The following GRIA2 variants were observed in gnomAD, a reference collection of about 807,000 sequenced individuals.
The protein encoded by GRIA2 is glutamate receptor 2.
GRIA2 carries 14 observed loss-of-function variants against 97.3 expected under a neutral mutation model. That is an observed-to-expected ratio of 0.14 (90% CI 0.10 to 0.23). The LOEUF (loss-of-function observed/expected upper bound fraction) is 0.23, where lower values mean the gene tolerates loss of function less well. Among genes scored for constraint, GRIA2 ranks in the 10% least tolerant of loss-of-function variants. GRIA2 has a pLI of 1.00. For missense variants in GRIA2, 558 were observed against 1,069.8 expected, an observed-to-expected ratio of 0.52 and a Z score of 6.67; for synonymous variants, 412 against 387.8, an observed-to-expected ratio of 1.06 and a Z score of -0.73.
intron 7 of GRIA2, 87 bp from the exon 8 acceptor site, chr4:157,333,162 A>T: frequency 2.1e-6 from 2 of 932,852 alleles, no homozygotes; most frequent in Non-Finnish European, 3.3e-6. Context: ...AGTTTTCTTG[A>T]CTTCATCTGG....
At chr4:157,354,987 G>A (rs760724135) in intron 12 of GRIA2, among the ~76,000 whole-genome samples, 2 of 152,108 alleles carry the variant, frequency 1.3e-5, no homozygotes, top group Non-Finnish European at 2.9e-5. Flanking sequence ...GTGGCTCCAG[G>A]GAAGACCCTA....
intron 2 of GRIA2, among the ~76,000 whole-genome samples, chr4:157,244,606 AC>A (rs1237820305): frequency 6.6e-6 from 1 of 152,040 alleles, no homozygotes; most frequent in Non-Finnish European, 1.5e-5. Flanking sequence ...TTTTATTCTT[AC>A]AGGGATGTAA....
At chr4:157,357,719 T>C (rs901849374) in intron 12 of GRIA2, among the ~76,000 whole-genome samples, 3 of 152,068 alleles carry the variant, frequency 2.0e-5, no homozygotes, top group Non-Finnish European at 2.9e-5. Flanking sequence ...AGAACTAATA[T>C]ATCTTCTAAA....
intron 2 of GRIA2, among the ~76,000 whole-genome samples, chr4:157,286,034 A>G (rs1021117533): frequency 6.6e-6 from 1 of 151,550 alleles, no homozygotes; most frequent in Non-Finnish European, 1.5e-5. Flanking sequence ...TCTGAAATTA[A>G]AACAAGAATA....
In GRIA2 at chr4:157,350,778, T is replaced by G. The variant is rs1378668628; in HGVS notation, c.2044-9118T>G. Among the ~76,000 whole-genome samples the G allele has an allele frequency of 2.0e-5, 3 of 152,122 alleles. No individual in the cohort carries two copies. In the South Asian group the frequency reaches 6.2e-4, roughly 31 times the overall value. Reference sequence around the variant, plus strand: ...TAGCTTTTTGGTAACTGCATGGAATTAATTGCTTGCCTTAATTTGAAGTTT... The same window carrying G: ...TAGCTTTTTGGTAACTGCATGGAATGAATTGCTTGCCTTAATTTGAAGTTT... On this transcript the variant is annotated intron_variant, in intron 12 of 15. Coordinates refer to ENST00000264426, the MANE Select transcript of GRIA2 (RefSeq NM_001083619.3).
chr4:157,274,732 T>G (rs78233404), intron 2 of GRIA2, among the ~76,000 whole-genome samples: 151,057 of 151,456 alleles, frequency 1, 75,330 homozygotes, highest in Middle Eastern at 1. Flanking sequence ...ATTCCACGGT[T>G]TATATGTGCC....
Position 157,361,656 on chromosome 4 carries a change from A to G in GRIA2, c.2406+532A>G. ...AGCCAAGGACTCTGGAAGTAAGGTC[A>G]GTTGCTGCAGGTTTTATGTGAAAAA... On this transcript the variant is annotated intron_variant, in intron 14 of 15. Coordinates refer to ENST00000264426, the MANE Select transcript of GRIA2 (RefSeq NM_001083619.3). The surrounding 1 kb of genome is among the most constrained non-coding windows in gnomAD (Gnocchi z 5.2). 1 of 1,591,092 alleles carries G rather than the reference A, an allele frequency of 6.3e-7. No individual in the cohort carries two copies. Among genetic ancestry groups the G allele is most frequent in the Non-Finnish European group, 8.6e-7 (1 of 1,159,562 alleles).
chr4:157,332,789 T>C, intron 6 of GRIA2, 30 bp from the exon 7 acceptor site: 1 of 1,574,724 alleles, frequency 6.4e-7, no homozygotes, highest in Non-Finnish European at 8.7e-7. Flanking sequence ...TTTTCTCCCG[T>C]TCTTATGAAA....
rs149869256 is a variant in GRIA2 at position 157,233,694 on chromosome 4, C to T, written c.229+11887C>T. On this transcript the variant is annotated intron_variant, in intron 2 of 15. Coordinates refer to ENST00000264426, the MANE Select transcript of GRIA2 (RefSeq NM_001083619.3). ...ATTTATTTCCTCCCTTTATATCAGC[C>T]CTTTACTGATATAAAACCTAAACCC... 2.6e-4 allele frequency among the ~76,000 whole-genome samples: 39 copies of T among 152,064 alleles called. No individual in the cohort carries two copies. In the East Asian group the frequency reaches 7.1e-3, roughly 28 times the overall value.
chr4:157,311,198 A>T lies in GRIA2; in HGVS notation c.470-1481A>T, dbSNP rs193164560. ...TGCAGGAAAATGCTTGTTTTATTTC[A>T]TTATTTACCAGTCTTCAAATTAATT... is the stretch of plus-strand genomic sequence containing the variant. On this transcript the variant is annotated intron_variant, in intron 3 of 15. Coordinates refer to ENST00000264426, the MANE Select transcript of GRIA2 (RefSeq NM_001083619.3). 6.0e-4 allele frequency among the ~76,000 whole-genome samples: 91 copies of T among 152,108 alleles called. No homozygotes were observed. The East Asian group carries it at 0.011, about 18-fold the overall frequency.
At chr4:157,281,920 C>T (rs907706931) in intron 2 of GRIA2, among the ~76,000 whole-genome samples, 2 of 152,068 alleles carry the variant, frequency 1.3e-5, no homozygotes, top group East Asian at 3.9e-4. Context: ...TTCTCATAAG[C>T]ATCTAAAAGA....
intron 2 of GRIA2, among the ~76,000 whole-genome samples, chr4:157,224,676 T>A (rs1265750774): frequency 1.3e-5 from 2 of 152,102 alleles, no homozygotes; most frequent in Admixed American, 6.6e-5. Flanking sequence ...AAATCTCTAG[T>A]GTTAAATTTG....
At chr4:157,266,451 T>C (rs920605793) in intron 2 of GRIA2, among the ~76,000 whole-genome samples, 1 of 151,940 alleles carries the variant, frequency 6.6e-6, no homozygotes, top group African/African-American at 2.4e-5. Context: ...TTAAAGAGTG[T>C]GGTGTCGTGG....
intron 13 of GRIA2, among the ~76,000 whole-genome samples, chr4:157,360,457 T>C (rs1295541941): frequency 6.6e-6 from 1 of 152,146 alleles, no homozygotes; most frequent in African/African-American, 2.4e-5. Flanking sequence ...TTTTTCCACA[T>C]TTCTAACTAC....
chr4:157,308,697 C>A (rs1293990058), intron 3 of GRIA2, among the ~76,000 whole-genome samples: 1 of 152,134 alleles, frequency 6.6e-6, no homozygotes, highest in Non-Finnish European at 1.5e-5. Context: ...ATTGTCTATA[C>A]AACTTTGTAT....
chr4:157,221,934 GCA>G lies in GRIA2; in HGVS notation c.229+133_229+134del, dbSNP rs368492736. 7.3e-4 allele frequency: 607 copies of G among 833,780 alleles called. 5 individuals are homozygous for G. Among genetic ancestry groups the G allele is most frequent in the East Asian group, 5.5e-3 (220 of 39,890 alleles). 51.6% of individuals were successfully genotyped at this position (833,780 alleles called of 1,614,324 possible). A position where few individuals can be genotyped will look rare whatever the true frequency, so the allele number is the denominator to read the frequency against. On this transcript the variant is annotated intron_variant, in intron 2 of 15. Coordinates refer to ENST00000264426, the MANE Select transcript of GRIA2 (RefSeq NM_001083619.3). ...TGTCAGTGTGTGGGTGTGAGTGACTGCACACACGCGTGCGTGTGACCGTGTAG... is the reference window on the plus strand; with the variant it reads ...TGTCAGTGTGTGGGTGTGAGTGACTGCACACGCGTGCGTGTGACCGTGTAG...
At position 157,360,146 on chromosome 4, in the gene GRIA2, G is replaced by A; in HGVS notation, c.2291+3G>A. 6.2e-7 allele frequency: 1 copy of A among 1,613,110 alleles called. No individual in the cohort carries two copies. The highest frequency in any genetic ancestry group is 8.5e-7 in the Non-Finnish European group (1 of 1,179,380). On this transcript the variant is annotated splice_donor_region_variant and intron_variant, in intron 13 of 15. Coordinates refer to ENST00000264426, the MANE Select transcript of GRIA2 (RefSeq NM_001083619.3). ...ACACCTAAAGGATCCTCATTAAGGT[G>A]GGTGGAATAGTATAACAATATGCTA...
intron 3 of GRIA2, among the ~76,000 whole-genome samples, chr4:157,312,357 T>C (rs1734119325): frequency 6.6e-6 from 1 of 152,124 alleles, no homozygotes. Flanking sequence ...TTCATTTCAC[T>C]TAAACCAAAG....
chr4:157,226,673 T>A (rs1729760981), intron 2 of GRIA2, among the ~76,000 whole-genome samples: 1 of 152,100 alleles, frequency 6.6e-6, no homozygotes, highest in South Asian at 2.1e-4. Flanking sequence ...TGTATGTATT[T>A]ATAGTTACAA....
Sources: gnomAD v4.1 joint callset for allele counts (sites outside exome capture counted in the v4.1 genomes callset) on GRCh38, gnomAD v4.1.1 for gene constraint, Gnocchi (gnomAD v3.1) non-coding constraint, MANE v1.5 for transcripts, NCBI Gene and HGNC (gene_info 2026-07-23, HGNC 2026-07-21) for gene names.